The following WEE1 variants were observed in gnomAD, a reference collection of about 807,000 sequenced individuals.
The protein encoded by WEE1 is wee1-like protein kinase.
In WEE1, 16 loss-of-function variants were observed where a neutral mutation model predicts 68.8. The ratio of observed to expected loss-of-function variants is 0.23; its 90% confidence interval spans 0.16 to 0.35. The LOEUF is 0.35. Ranked by LOEUF, WEE1 falls within the 10% of genes least tolerant of loss-of-function variation. WEE1 has a pLI of 1.00. For synonymous variants in WEE1, 349 were observed against 318.7 expected, an observed-to-expected ratio of 1.09 and a Z score of -1.01; for missense variants, 651 against 824.1, an observed-to-expected ratio of 0.79 and a Z score of 2.57.
At chr11:9,575,812 C>A in intron 1 of WEE1, 76 bp from the exon 2 acceptor site, 2 of 1,297,416 alleles carry the variant, frequency 1.5e-6, no homozygotes, top group Non-Finnish European at 2.2e-6. Context: ...ATGAAAGGCT[C>A]GTTGAAGGTT....
rs1849730004 is a variant in WEE1 at position 9,588,710 on chromosome 11, T to C, written c.*108T>C. 7.2e-7 allele frequency: 1 copy of C among 1,393,610 alleles called. No homozygotes were observed. The highest frequency in any genetic ancestry group is 9.3e-7 in the Non-Finnish European group (1 of 1,074,214). 86.3% of individuals were successfully genotyped at this position (1,393,610 alleles called of 1,614,324 possible). On this transcript the variant is annotated 3_prime_UTR_variant, in exon 11 of 11. Coordinates refer to ENST00000450114, the MANE Select transcript of WEE1 (RefSeq NM_003390.4). ...ACTTTCTCGATTGGTGTCAGTAGTT[T>C]TACTGATTAGGACTTTTATTGTGAA...
Position 9,586,872 on chromosome 11 carries a change from A to T in WEE1, c.1787+16A>T. Reference sequence around the variant, plus strand: ...TTTTACAAAAGTAAGTGAGGGTTTTATGTTTTCTTTTTGCTTTTTCATTCA... The same window carrying T: ...TTTTACAAAAGTAAGTGAGGGTTTTTTGTTTTCTTTTTGCTTTTTCATTCA... On this transcript the variant is annotated intron_variant, in intron 10 of 10. Coordinates refer to ENST00000450114, the MANE Select transcript of WEE1 (RefSeq NM_003390.4). 2 of 1,587,428 alleles carry T rather than the reference A, an allele frequency of 1.3e-6. No individual in the cohort carries two copies. The highest frequency in any genetic ancestry group is 1.4e-5 in the African/African-American group (1 of 73,450).
At chr11:9,586,970 T>A (rs1041071595) in intron 10 of WEE1, 114 bp downstream of exon 10, 1 of 1,249,272 alleles carries the variant, frequency 8.0e-7, no homozygotes, top group African/African-American at 1.5e-5. Context: ...TTTTTTGTGT[T>A]TTTTGTTTTT....
chr11:9,575,491 G>A (rs1849555871), intron 1 of WEE1: 1 of 822,050 alleles, frequency 1.2e-6, no homozygotes, highest in Non-Finnish European at 1.5e-6. Context: ...CTGGAAGTGA[G>A]GGGAGGAGTC....
At chr11:9,578,515 AC>A (rs1849587605) in intron 5 of WEE1, 1 of 152,208 alleles carries the variant, frequency 6.6e-6, no homozygotes, top group Non-Finnish European at 1.5e-5. Flanking sequence ...AACTATCACA[AC>A]CTTATGGATT....
At chr11:9,583,314 A>G (rs1289092544) in intron 6 of WEE1, among the ~76,000 whole-genome samples, 1 of 151,070 alleles carries the variant, frequency 6.6e-6, no homozygotes, top group Non-Finnish European at 1.5e-5. Flanking sequence ...CTCCGTCTCA[A>G]AAAAAGAAAA....
rs1464503540 is a variant in WEE1, at chr11:9,574,448, G to C, written c.515G>C (p.Gly172Ala). ...CGCTCGCCGCGGCCGGACCACCCGGGCACCCCGCCACACAAGACCTTCCGC... is the reference window on the plus strand; with the variant it reads ...CGCTCGCCGCGGCCGGACCACCCGGCCACCCCGCCACACAAGACCTTCCGC... ...GRRSPRPDHP[G>A]TPPHKTFRKL... Residue 172 changes from glycine (G) to alanine (A), a missense_variant, in exon 1 of 11, where the codon GGC (glycine) becomes GCC (alanine). Transcript: ENST00000450114. The surrounding 1 kb of genome is among the most constrained non-coding windows in gnomAD (Gnocchi z 4.9). The C allele has an allele frequency of 8.1e-7, 1 of 1,235,822 alleles. No individual in the cohort carries two copies. The highest frequency in any genetic ancestry group is 1.0e-6 in the Non-Finnish European group (1 of 992,824). 76.6% of individuals were successfully genotyped at this position (1,235,822 alleles called of 1,614,324 possible). A position where few individuals can be genotyped will look rare whatever the true frequency, so the allele number is the denominator to read the frequency against.
At position 9,573,863 on chromosome 11, in the gene WEE1, C is replaced by T; in HGVS notation, c.-71C>T. 9.4e-6 allele frequency: 11 copies of T among 1,170,940 alleles called. No individual in the cohort carries two copies. The highest frequency in any genetic ancestry group is 1.2e-5 in the Non-Finnish European group (11 of 941,526). 72.5% of individuals were successfully genotyped at this position (1,170,940 alleles called of 1,614,324 possible). A position where few individuals can be genotyped will look rare whatever the true frequency, so the allele number is the denominator to read the frequency against. ...CCCAGCCGCACGTGGCGGACCCGCC[C>T]CCAGGCCCGCAGTGTCCTGGACCCC... On this transcript the variant is annotated 5_prime_UTR_variant, in exon 1 of 11. Transcript: ENST00000450114.
chr11:9,583,802 C>CATATATATATATATAT (rs371859938), intron 6 of WEE1, among the ~76,000 whole-genome samples: 1 of 17,876 alleles, frequency 5.6e-5, no homozygotes, highest in Non-Finnish European at 9.9e-5. Context: ...CACACACACA[C>CATATATATATATATAT]ATATATATAT....
At chr11:9,583,763 A>ACACG (rs1172270505) in intron 6 of WEE1, among the ~76,000 whole-genome samples, 14 of 37,000 alleles carry the variant, frequency 3.8e-4, no homozygotes, top group Non-Finnish European at 1.1e-4. Context: ...ACGCGCGCGC[A>ACACG]CACACACACA....
chr11:9,581,780 T>G (rs913654063), intron 6 of WEE1, 102 bp downstream of exon 6: 8 of 1,239,646 alleles, frequency 6.5e-6, no homozygotes, highest in Non-Finnish European at 8.8e-6. Flanking sequence ...TGTTTTCTCA[T>G]TGTTAGTTTT....
chr11:9,577,436 C>A, intron 5 of WEE1, 173 bp downstream of exon 5: 1 of 699,722 alleles, frequency 1.4e-6, no homozygotes, highest in Non-Finnish European at 2.3e-6. Context: ...CTTTCTGAAG[C>A]ACCTTGTACA....
At chr11:9,583,187 C>T (rs1430678108) in intron 6 of WEE1, among the ~76,000 whole-genome samples, 3 of 152,068 alleles carry the variant, frequency 2.0e-5, no homozygotes, top group South Asian at 2.1e-4. Context: ...GTGGTGCGCA[C>T]CTATAGTCCT....
At position 9,576,057 on chromosome 11, in the gene WEE1, G is replaced by A; in HGVS notation, c.746G>A (p.Gly249Glu). The A allele has an allele frequency of 6.2e-7, 1 of 1,614,126 alleles. No individual in the cohort carries two copies. The highest frequency in any genetic ancestry group is 8.5e-7 in the Non-Finnish European group (1 of 1,180,030). ...TPDSLLLHSS[G>E]QCRRRKRTYW... ...GATTCTTTGTTGCTTCATTCCTCAG[G>A]ACAGTGTCGTCGTAGAAAGAGAACG... Residue 249 changes from glycine (G) to glutamate (E), a missense_variant, in exon 2 of 11, where the codon GGA becomes GAA. Physicochemically the swap from Gly to Glu is moderately conservative, Grantham distance 98 (BLOSUM62 -2). Transcript: ENST00000450114. The surrounding 1 kb of genome is among the most constrained non-coding windows in gnomAD (Gnocchi z 4.3).
intron 5 of WEE1, chr11:9,581,243 A>G (rs574837437): frequency 1.2e-5 from 3 of 250,272 alleles, no homozygotes; most frequent in Non-Finnish European, 2.3e-5. Context: ...AAAAACAAAC[A>G]AAAAAAAAGC....
intron 10 of WEE1, 94 bp from the exon 11 acceptor site, chr11:9,588,355 G>A (rs760453951): frequency 1.3e-6 from 1 of 766,448 alleles, no homozygotes; most frequent in Non-Finnish European, 1.9e-6. Flanking sequence ...AATAATGATG[G>A]CATGCAAATA....
chr11:9,574,387 C>T lies in WEE1; in HGVS notation c.454C>T (p.Arg152Trp). The T allele has an allele frequency of 8.2e-7, 1 of 1,213,312 alleles. No individual in the cohort carries two copies. The highest frequency in any genetic ancestry group is 1.0e-6 in the Non-Finnish European group (1 of 979,718). 75.2% of individuals were successfully genotyped at this position (1,213,312 alleles called of 1,614,324 possible). ...CGGCGGCCCAGGAGATGCGTCGCCG[C>T]GGGGTTGCGGGGCGCGCCGGGCGGG... The part of the protein sequence containing the change: ...RCGGPGDASP[R>W]GCGARRAGEG... Residue 152 changes from arginine to tryptophan, a missense_variant, in exon 1 of 11, where the codon CGG becomes TGG. Around this residue, in one of 5 missense-constraint regions of WEE1, gnomAD observed 395 missense variants for 378.4 expected, o/e 1.04. Transcript: ENST00000450114. This position sits in a 1 kb window ranked among gnomAD's most constrained non-coding sequence, Gnocchi z 4.9.
intron 8 of WEE1, 114 bp from the exon 9 acceptor site, chr11:9,586,335 G>T (rs1222356570): frequency 3.4e-6 from 3 of 871,222 alleles, no homozygotes; most frequent in East Asian, 2.6e-5. Flanking sequence ...ACTTAAATGT[G>T]GTATTAGACA....
Position 9,589,933 on chromosome 11 carries a change from A to G in WEE1, c.*1331A>G. 6.4e-6 allele frequency: 1 copy of G among 155,930 alleles called. No individual in the cohort carries two copies. Among genetic ancestry groups the G allele is most frequent in the Non-Finnish European group, 1.4e-5 (1 of 71,286 alleles). 9.7% of individuals were successfully genotyped at this position (155,930 alleles called of 1,614,324 possible). ...ACTTGCTAGAAATGTAGCATGATGTAATTTAAAATATCTTCAAATTATTAA... is the reference window on the plus strand; with the variant it reads ...ACTTGCTAGAAATGTAGCATGATGTGATTTAAAATATCTTCAAATTATTAA... On this transcript the variant is annotated 3_prime_UTR_variant, in exon 11 of 11. Coordinates refer to ENST00000450114, the MANE Select transcript of WEE1 (RefSeq NM_003390.4).
Sources: gnomAD v4.1 joint callset for allele counts (sites outside exome capture counted in the v4.1 genomes callset) on GRCh38, gnomAD v4.1.1 for gene constraint, gnomAD v4.1.1 regional missense constraint, Gnocchi (gnomAD v3.1) non-coding constraint, MANE v1.5 for transcripts, NCBI Gene and HGNC (gene_info 2026-07-23, HGNC 2026-07-21) for gene names.